GPR146: variants seen among roughly 807,000 people sequenced by gnomAD.
GPR146 encodes the protein G-protein coupled receptor 146.
For missense variants in GPR146, 381 were observed against 213.9 expected, an observed-to-expected ratio of 1.78 and a Z score of -4.87; for synonymous variants, 203 against 104.3, an observed-to-expected ratio of 1.95 and a Z score of -5.77.
chr7:1,058,410 A>G lies in GPR146; in HGVS notation c.895A>G (p.Met299Val). Reference protein sequence around the residue: ...SFVTPLLYRYMNQSFPSKLQR... With the variant: ...SFVTPLLYRYVNQSFPSKLQR... The stretch of plus-strand genomic sequence containing the variant: ...TGTGACACCACTTCTCTACCGCTAC[A>G]TGAACCAGAGCTTCCCCAGCAAGCT... Residue 299 changes from methionine to valine, a missense_variant, in exon 2 of 2, where the codon ATG (methionine) becomes GTG (valine). Met to Val is a conservative substitution (Grantham distance 21). Transcript: ENST00000444847. 2.6e-6 allele frequency: 2 copies of G among 780,710 alleles called. No homozygotes were observed. The highest frequency in any genetic ancestry group is 2.4e-5 in the East Asian group (1 of 41,258). The allele number at this position is 780,710 out of a possible 1,614,324, so 48.4% of individuals were successfully genotyped here. A position where few individuals can be genotyped will look rare whatever the true frequency, so the allele number is the denominator to read the frequency against.
At chr7:1,055,208 G>A in intron 1 of GPR146, 2 of 470,152 alleles carry the variant, frequency 4.3e-6, no homozygotes, top group Non-Finnish European at 8.8e-6. Context: ...GAACCCGGCT[G>A]TAAACAGCAG....
Position 1,059,033 on chromosome 7 carries a change from G to C in GPR146, c.*516G>C, listed in dbSNP as rs1784192630. 1 of 176,962 alleles carries C rather than the reference G, an allele frequency of 5.7e-6. No homozygotes were observed. The highest frequency in any genetic ancestry group is 2.4e-5 in the African/African-American group (1 of 41,548). The allele number at this position is 176,962 out of a possible 1,614,324, so 11.0% of individuals were successfully genotyped here. On this transcript the variant is annotated 3_prime_UTR_variant, in exon 2 of 2. Coordinates refer to ENST00000444847, the MANE Select transcript of GPR146 (RefSeq NM_001303473.2). The stretch of plus-strand genomic sequence containing the variant: ...CCGGGTGTGCCGCAGTCACCACAGG[G>C]TTCTGAGAACATTTCACAGAAGTGC...
chr7:1,050,775 C>T (rs969833763), intron 1 of GPR146, among the ~76,000 whole-genome samples: 1 of 152,212 alleles, frequency 6.6e-6, no homozygotes, highest in African/African-American at 2.4e-5. Context: ...GTAGATGACA[C>T]AGAGGCACAG....
chr7:1,057,971 G>T lies in GPR146; in HGVS notation c.456G>T (p.Trp152Cys). The change falls in exon 2 of 2, where the codon TGG (tryptophan) becomes TGT (cysteine). Residue 152 changes from tryptophan to cysteine, a missense_variant. By Grantham distance (215) the Trp-to-Cys change is radical. Transcript: ENST00000444847. ...CGCGGCACGTGTGCGGCTTCGTGTG[G>T]GGTGGCGCGCTGCTGACCAGCTTCT... The part of the protein sequence containing the change: ...YNTRHVCGFV[W>C]GGALLTSFSS... 1.3e-6 allele frequency: 1 copy of T among 771,226 alleles called. No homozygotes were observed. The allele number at this position is 771,226 out of a possible 1,614,324, so 47.8% of individuals were successfully genotyped here.
At chr7:1,054,806 C>T (rs1783554883) in intron 1 of GPR146, among the ~76,000 whole-genome samples, 1 of 152,244 alleles carries the variant, frequency 6.6e-6, no homozygotes, top group Non-Finnish European at 1.5e-5. Flanking sequence ...TGCACGGAGA[C>T]ACCAGATGCA....
intron 1 of GPR146, among the ~76,000 whole-genome samples, chr7:1,050,860 G>A (rs1307415417): frequency 3.3e-5 from 5 of 152,180 alleles, no homozygotes; most frequent in Admixed American, 3.3e-4. Context: ...AACCCAGAAG[G>A]CTTGACGCGC....
chr7:1,055,143 C>A, intron 1 of GPR146: 1 of 422,404 alleles, frequency 2.4e-6, no homozygotes, highest in Admixed American at 2.7e-5. Flanking sequence ...GGACAAGAGG[C>A]CAGCTGTGCT....
rs1385548863 is a variant in GPR146 at position 1,052,317 on chromosome 7, G to C, written c.-24-5175G>C. On this transcript the variant is annotated intron_variant, in intron 1 of 1. Coordinates refer to ENST00000444847, the MANE Select transcript of GPR146 (RefSeq NM_001303473.2). The surrounding 1 kb of genome is among the most constrained non-coding windows in gnomAD (Gnocchi z 4.2). ...GGCTGGGGACACTCGCCTGAGAAGA[G>C]CCCAGTCCTGGGTGCCTCCCTAGGG... 2.0e-5 allele frequency among the ~76,000 whole-genome samples: 3 copies of C among 152,252 alleles called. No homozygotes were observed. Among genetic ancestry groups the C allele is most frequent in the African/African-American group, 7.2e-5 (3 of 41,472 alleles).
intron 1 of GPR146, chr7:1,045,685 C>G (rs1782512338): frequency 6.6e-6 from 1 of 152,296 alleles, no homozygotes; most frequent in African/African-American, 2.4e-5. Flanking sequence ...GCAGCTCCTT[C>G]AAGAACTACT....
rs1188849147 is a variant in GPR146, at chr7:1,057,460, G to A, written c.-24-32G>A. 2.3e-5 allele frequency: 16 copies of A among 694,650 alleles called. No individual in the cohort carries two copies. The East Asian group carries it at 3.0e-4, about 13-fold the overall frequency. 43.0% of individuals were successfully genotyped at this position (694,650 alleles called of 1,614,324 possible). ...CTGGGCCAGGGCTTTGGGACGGGAC[G>A]CGAGCTGACCACCTGTTCCTTCTTT... On this transcript the variant is annotated intron_variant, in intron 1 of 1. Coordinates refer to ENST00000444847, the MANE Select transcript of GPR146 (RefSeq NM_001303473.2).
intron 1 of GPR146, chr7:1,045,776 T>C (rs376803384): frequency 4.6e-5 from 7 of 152,338 alleles, no homozygotes; most frequent in African/African-American, 4.8e-5. Flanking sequence ...CTTAAGAACA[T>C]AGTTTATATG....
intron 1 of GPR146, 113 bp downstream of exon 1, chr7:1,044,771 T>G (rs887958980): frequency 6.6e-6 from 1 of 152,082 alleles, no homozygotes; most frequent in Non-Finnish European, 1.5e-5. Context: ...CTGCGCTTAC[T>G]GGGACCCGGG....
At chr7:1,053,219 C>T (rs1263335031) in intron 1 of GPR146, among the ~76,000 whole-genome samples, 1 of 152,254 alleles carries the variant, frequency 6.6e-6, no homozygotes, top group African/African-American at 2.4e-5. Context: ...CCCGCCTGGG[C>T]CAGGCCAGGC....
At position 1,052,162 on chromosome 7, in the gene GPR146, G is replaced by A. The variant is rs943292213; in HGVS notation, c.-24-5330G>A. Among the ~76,000 whole-genome samples, 3 of 152,218 alleles carry A rather than the reference G, an allele frequency of 2.0e-5. No homozygotes were observed. Among genetic ancestry groups the A allele is most frequent in the Non-Finnish European group, 2.9e-5 (2 of 68,042 alleles). On this transcript the variant is annotated intron_variant, in intron 1 of 1. Transcript: ENST00000444847. This position sits in a 1 kb window ranked among gnomAD's most constrained non-coding sequence, Gnocchi z 4.2. ...CCTGCAGCCCCTCCCCTCCTGGCCC[G>A]AGATGCTGTCATTGTCCCTAAGAGA...
At chr7:1,047,911 T>A (rs80355571) in intron 1 of GPR146, among the ~76,000 whole-genome samples, 1,820 of 152,324 alleles carry the variant, frequency 0.012, 33 homozygotes, top group African/African-American at 0.038. Flanking sequence ...CGTCACTGAA[T>A]ACATCCCCTT....
In GPR146 at chr7:1,054,228, G is replaced by A. The variant is rs753595797; in HGVS notation, c.-24-3264G>A. ...ATGTTGGGGCCAACACGCAAAGCGC[G>A]TCACCTTCCAACCGGCGGAGAGTGA... On this transcript the variant is annotated intron_variant, in intron 1 of 1. Transcript: ENST00000444847. Among the ~76,000 whole-genome samples the A allele has an allele frequency of 1.7e-4, 26 of 152,216 alleles. No individual in the cohort carries two copies. In the East Asian group the frequency reaches 2.1e-3, roughly 12 times the overall value.
Position 1,057,576 on chromosome 7 carries a change from G to A in GPR146, c.61G>A (p.Asp21Asn). Residue 21 changes from aspartate to asparagine, a missense_variant, in exon 2 of 2, where the codon GAC becomes AAC. Transcript: ENST00000444847. ...GGTGGAGGAGCTGCCTGCCTGCCAGGACCTGCAGCTGGGGCTGTCACTGTT... is the reference window on the plus strand; with the variant it reads ...GGTGGAGGAGCTGCCTGCCTGCCAGAACCTGCAGCTGGGGCTGTCACTGTT... ...GLVEELPACQ[D>N]LQLGLSLLSL... The A allele has an allele frequency of 1.3e-6, 1 of 772,950 alleles. No individual in the cohort carries two copies. Among genetic ancestry groups the A allele is most frequent in the Non-Finnish European group, 2.4e-6 (1 of 416,716 alleles). The allele number at this position is 772,950 out of a possible 1,614,324, so 47.9% of individuals were successfully genotyped here.
intron 1 of GPR146, among the ~76,000 whole-genome samples, chr7:1,053,248 C>T (rs1425631854): frequency 6.6e-5 from 10 of 152,256 alleles, no homozygotes; most frequent in African/African-American, 1.9e-4. Flanking sequence ...AACCCCTCTG[C>T]GTCCAGGCAG....
chr7:1,055,257 C>A (rs561743751), intron 1 of GPR146: 7 of 471,158 alleles, frequency 1.5e-5, no homozygotes, highest in African/African-American at 1.4e-4. Context: ...GAGGCAGAGG[C>A]CCTGCGGGGA....
Sources: gnomAD v4.1 joint callset for allele counts (sites outside exome capture counted in the v4.1 genomes callset) on GRCh38, gnomAD v4.1.1 for gene constraint, Gnocchi (gnomAD v3.1) non-coding constraint, MANE v1.5 for transcripts, NCBI Gene and HGNC (gene_info 2026-07-23, HGNC 2026-07-21) for gene names.